Variants in IQCH observed in about 807,000 individuals in gnomAD.
The protein encoded by IQCH is IQ motif containing H.
In IQCH, 98 loss-of-function variants were observed where a neutral mutation model predicts 117.0. That is an observed-to-expected ratio of 0.84 (90% CI 0.71 to 0.99). The LOEUF (loss-of-function observed/expected upper bound fraction) is 0.99, where lower values mean the gene tolerates loss of function less well. Ranked by LOEUF, IQCH falls within the 50% of genes least tolerant of loss-of-function variation. The pLI, the probability that IQCH is intolerant of heterozygous loss-of-function variation, is 0.00. For synonymous variants in IQCH, 412 were observed against 448.2 expected, an observed-to-expected ratio of 0.92 and a Z score of 1.02; for missense variants, 1,102 against 1,243.8, an observed-to-expected ratio of 0.89 and a Z score of 1.72.
Position 67,422,462 on chromosome 15 carries a change from T to C in IQCH, c.2505+885T>C, listed in dbSNP as rs1437865026. Among the ~76,000 whole-genome samples, 2 of 152,170 alleles carry C rather than the reference T, an allele frequency of 1.3e-5. No individual in the cohort carries two copies. The highest frequency in any genetic ancestry group is 1.3e-4 in the Admixed American group (2 of 15,268). On this transcript the variant is annotated intron_variant, in intron 16 of 20. Coordinates refer to ENST00000335894, the MANE Select transcript of IQCH (RefSeq NM_001031715.3). This position sits in a 1 kb window ranked among gnomAD's most constrained non-coding sequence, Gnocchi z 4.7. ...GGTGTCAGTGCCACCTGCAGTCCTG[T>C]GTACTCCTTGCCAAGCACATGGCTC... is the stretch of plus-strand genomic sequence containing the variant.
At chr15:67,256,645 T>C (rs1965227154) in intron 1 of IQCH, among the ~76,000 whole-genome samples, 1 of 152,202 alleles carries the variant, frequency 6.6e-6, no homozygotes, top group African/African-American at 2.4e-5. Flanking sequence ...ACCCACTCTT[T>C]TTATAGATTC....
chr15:67,438,878 T>C (rs1026164452), intron 16 of IQCH, among the ~76,000 whole-genome samples: 1 of 152,198 alleles, frequency 6.6e-6, no homozygotes, highest in African/African-American at 2.4e-5. Context: ...CATATATGCA[T>C]GTAACACTGG....
Position 67,475,732 on chromosome 15 carries a change from C to A in IQCH, c.2713C>A (p.Gln905Lys). 6.2e-7 allele frequency: 1 copy of A among 1,613,974 alleles called. No homozygotes were observed. Among genetic ancestry groups the A allele is most frequent in the Non-Finnish European group, 8.5e-7 (1 of 1,179,840 alleles). Residue 905 changes from glutamine to lysine, a missense_variant, in exon 18 of 21, where the codon CAG becomes AAG. Physicochemically the swap from Gln to Lys is moderately conservative, Grantham distance 53. Transcript: ENST00000335894. This position sits in a 1 kb window ranked among gnomAD's most constrained non-coding sequence, Gnocchi z 5.7. ...CAGTCGCTATGCAGTGATGACCACC[C>A]AGCTAAGACACAGCAATCTCTCACT... ...ATSRYAVMTT[Q>K]LRHSNLSLVF... is the part of the protein sequence containing the mutation.
rs578260011 is a variant in IQCH, at chr15:67,323,239, ATT to A, written c.388-13716_388-13715del. On this transcript the variant is annotated intron_variant, in intron 4 of 20. Coordinates refer to ENST00000335894, the MANE Select transcript of IQCH (RefSeq NM_001031715.3). ...TCTTTGTTTTCTGACTTAGGGTTAC[ATT>A]TTTTTTTTTTTTTTTTTTTGAGACG... Among the ~76,000 whole-genome samples the A allele has an allele frequency of 6.4e-3, 633 of 98,874 alleles. 5 individuals are homozygous for A. Among genetic ancestry groups the A allele is most frequent in the African/African-American group, 0.019 (472 of 25,100 alleles). 64.9% of individuals were successfully genotyped at this position (98,874 alleles called of 152,430 possible).
At chr15:67,255,155 G>C (rs1965097274) in intron 1 of IQCH, 2 of 600,848 alleles carry the variant, frequency 3.3e-6, no homozygotes, top group East Asian at 5.6e-5. Context: ...TTACGCCCCA[G>C]AAGCAGGACT....
chr15:67,438,698 T>TAA (rs1567189006), intron 16 of IQCH, among the ~76,000 whole-genome samples: 1 of 152,068 alleles, frequency 6.6e-6, no homozygotes, highest in Non-Finnish European at 1.5e-5. Flanking sequence ...CACATAAACT[T>TAA]AAAGGGGTGA....
At chr15:67,484,460 G>A (rs1289366883) in intron 18 of IQCH, among the ~76,000 whole-genome samples, 1 of 151,426 alleles carries the variant, frequency 6.6e-6, no homozygotes, top group Non-Finnish European at 1.5e-5. Flanking sequence ...GCTGGGCGCT[G>A]TGGCTCATCC....
At chr15:67,316,042 G>GT (rs1457324799) in intron 4 of IQCH, among the ~76,000 whole-genome samples, 2 of 152,152 alleles carry the variant, frequency 1.3e-5, no homozygotes, top group African/African-American at 4.8e-5. Flanking sequence ...CTTTCTCCTT[G>GT]TGTAGCTGGT....
chr15:67,300,910 T>C (rs1043046581), intron 4 of IQCH, among the ~76,000 whole-genome samples: 6 of 152,116 alleles, frequency 3.9e-5, no homozygotes, highest in Non-Finnish European at 8.8e-5. Flanking sequence ...GAATCACTGA[T>C]GAGATGAAAA....
At position 67,402,284 on chromosome 15, in the gene IQCH, G is replaced by C. The variant is rs574410678; in HGVS notation, c.2097+1979G>C. ...TTATTCAGAAATCTCCTTACAGTCT[G>C]AGGCCAGTGCTTAGCCATGATCTGA... On this transcript the variant is annotated intron_variant, in intron 14 of 20. Coordinates refer to ENST00000335894, the MANE Select transcript of IQCH (RefSeq NM_001031715.3). Among the ~76,000 whole-genome samples the C allele has an allele frequency of 7.9e-5, 12 of 152,296 alleles. No individual in the cohort carries two copies. In the East Asian group the frequency reaches 2.1e-3, roughly 27 times the overall value.
chr15:67,341,372 C>T (rs566414696), intron 5 of IQCH, among the ~76,000 whole-genome samples: 11 of 152,186 alleles, frequency 7.2e-5, no homozygotes, highest in Non-Finnish European at 1.2e-4. Context: ...AAACTGTATT[C>T]TCTATAAGAC....
chr15:67,424,923 A>G lies in IQCH; in HGVS notation c.2505+3346A>G, dbSNP rs2081847681. ...ATTTTCTAGCCATTTTGCAAGTGGT[A>G]TCACTTCAGAAAACATCTTAATTTT... On this transcript the variant is annotated intron_variant, in intron 16 of 20. Transcript: ENST00000335894. This position sits in a 1 kb window ranked among gnomAD's most constrained non-coding sequence, Gnocchi z 4.9. 6.6e-6 allele frequency among the ~76,000 whole-genome samples: 1 copy of G among 152,262 alleles called. No individual in the cohort carries two copies. The highest frequency in any genetic ancestry group is 2.1e-4 in the South Asian group (1 of 4,836).
chr15:67,477,786 A>T, intron 18 of IQCH, among the ~76,000 whole-genome samples: 1 of 152,180 alleles, frequency 6.6e-6, no homozygotes, highest in East Asian at 1.9e-4. Context: ...TTTGGCAGGG[A>T]CAGTCTCCTG....
rs1339496301 is a variant in IQCH, at chr15:67,476,619, T to C, written c.2799+801T>C. Reference sequence around the variant, plus strand: ...TCCAATGATACCGGGGGCCCCTGCATAGCTGCTTTATCCTGATGTAGCTGA... The same window carrying C: ...TCCAATGATACCGGGGGCCCCTGCACAGCTGCTTTATCCTGATGTAGCTGA... On this transcript the variant is annotated intron_variant, in intron 18 of 20. Transcript: ENST00000335894. This position sits in a 1 kb window ranked among gnomAD's most constrained non-coding sequence, Gnocchi z 4.1. 6.6e-6 allele frequency among the ~76,000 whole-genome samples: 1 copy of C among 152,204 alleles called. No individual in the cohort carries two copies. Among genetic ancestry groups the C allele is most frequent in the Admixed American group, 6.5e-5 (1 of 15,288 alleles).
In IQCH at chr15:67,364,161, TACATTCCC is replaced by T. The variant is rs1264407619; in HGVS notation, c.753+4279_753+4286del. ...GCTTTCTATAATGGCTGAACTAATTTACATTCCCACTGGCAGTGTATAAGCATTCCCTT... is the reference window on the plus strand; with the variant it reads ...GCTTTCTATAATGGCTGAACTAATTTACTGGCAGTGTATAAGCATTCCCTT... On this transcript the variant is annotated intron_variant, in intron 8 of 20. Coordinates refer to ENST00000335894, the MANE Select transcript of IQCH (RefSeq NM_001031715.3). The surrounding 1 kb of genome is among the most constrained non-coding windows in gnomAD (Gnocchi z 4.1). 5.3e-5 allele frequency among the ~76,000 whole-genome samples: 8 copies of T among 152,232 alleles called. No individual in the cohort carries two copies. Among genetic ancestry groups the T allele is most frequent in the Non-Finnish European group, 1.2e-4 (8 of 68,038 alleles).
chr15:67,434,552 T>C (rs1370777032), intron 16 of IQCH, among the ~76,000 whole-genome samples: 1 of 152,228 alleles, frequency 6.6e-6, no homozygotes, highest in Admixed American at 6.5e-5. Context: ...TTATGAATAA[T>C]GCTGCAATGG....
chr15:67,393,423 G>A lies in IQCH; in HGVS notation c.1633-1868G>A, dbSNP rs1971352775. Among the ~76,000 whole-genome samples, 1 of 152,272 alleles carries A rather than the reference G, an allele frequency of 6.6e-6. No individual in the cohort carries two copies. Among genetic ancestry groups the A allele is most frequent in the East Asian group, 1.9e-4 (1 of 5,188 alleles). ...GAGTAGATAATTTTTCACTAGAATTGGGGTAGTAGATGCTAGTCTATAAAA... is the reference window on the plus strand; with the variant it reads ...GAGTAGATAATTTTTCACTAGAATTAGGGTAGTAGATGCTAGTCTATAAAA... On this transcript the variant is annotated intron_variant, in intron 12 of 20. Coordinates refer to ENST00000335894, the MANE Select transcript of IQCH (RefSeq NM_001031715.3). The surrounding 1 kb of genome is among the most constrained non-coding windows in gnomAD (Gnocchi z 5.5).
At chr15:67,266,003 G>T (rs974842790) in intron 3 of IQCH, among the ~76,000 whole-genome samples, 3 of 152,148 alleles carry the variant, frequency 2.0e-5, no homozygotes, top group African/African-American at 7.2e-5. Context: ...TCACAATCTT[G>T]ATCAGGGGGT....
At chr15:67,480,799 A>G (rs2141062134) in intron 18 of IQCH, among the ~76,000 whole-genome samples, 1 of 152,294 alleles carries the variant, frequency 6.6e-6, no homozygotes, top group South Asian at 2.1e-4. Flanking sequence ...GGCAAATAAT[A>G]TACCTAATGT....
Sources: gnomAD v4.1 joint callset for allele counts (sites outside exome capture counted in the v4.1 genomes callset) on GRCh38, gnomAD v4.1.1 for gene constraint, Gnocchi (gnomAD v3.1) non-coding constraint, MANE v1.5 for transcripts, NCBI Gene and HGNC (gene_info 2026-07-23, HGNC 2026-07-21) for gene names.